FOXJ3: variants seen among roughly 807,000 people sequenced by gnomAD.
FOXJ3 encodes forkhead box J3, also known as forkhead box protein J3.
In FOXJ3, 22 loss-of-function variants were observed where a neutral mutation model predicts 76.1. That is an observed-to-expected ratio of 0.29 (90% CI 0.21 to 0.41). The LOEUF is 0.41. Among genes scored for constraint, FOXJ3 ranks in the 10% least tolerant of loss-of-function variants. The pLI, the probability that FOXJ3 is intolerant of heterozygous loss-of-function variation, is 1.00. For missense variants in FOXJ3, 613 were observed against 762.1 expected (o/e 0.80, Z 2.30); for synonymous variants, 269 against 261.2 (o/e 1.03, Z -0.29).
At chr1:42,326,100 A>T (rs1421562153) in intron 1 of FOXJ3, among the ~76,000 whole-genome samples, 6 of 152,034 alleles carry the variant, frequency 3.9e-5, no homozygotes, top group Non-Finnish European at 7.4e-5. Flanking sequence ...AAAATACAAA[A>T]ATTAGCCAGG....
intron 12 of FOXJ3, among the ~76,000 whole-genome samples, chr1:42,180,026 G>A (rs995233210): frequency 1.3e-5 from 2 of 152,136 alleles, no homozygotes; most frequent in Admixed American, 1.3e-4. Flanking sequence ...ATTACCCAAA[G>A]TCACACAACC....
intron 4 of FOXJ3, among the ~76,000 whole-genome samples, chr1:42,242,002 A>C (rs930764132): frequency 1.3e-5 from 2 of 152,092 alleles, no homozygotes; most frequent in Non-Finnish European, 2.9e-5. Flanking sequence ...CACAAAAATC[A>C]CTGATGCCAT....
upstream of FOXJ3, chr1:42,335,526 A>C (rs1656446498): frequency 6.6e-6 from 1 of 152,152 alleles, no homozygotes; most frequent in African/African-American, 2.4e-5. Context: ...GACAGTAGGG[A>C]TCGGTGGCTT....
chr1:42,203,123 T>C (rs138479885), intron 6 of FOXJ3, among the ~76,000 whole-genome samples: 67 of 152,362 alleles, frequency 4.4e-4, no homozygotes, highest in African/African-American at 1.6e-3. Context: ...GTGTCTGATC[T>C]GCTATTAAAT....
chr1:42,325,032 T>G (rs1398066931), intron 1 of FOXJ3, among the ~76,000 whole-genome samples: 2 of 152,226 alleles, frequency 1.3e-5, no homozygotes, highest in Non-Finnish European at 2.9e-5. Flanking sequence ...TGCCCCACAG[T>G]TGACCAAAAT....
intron 3 of FOXJ3, among the ~76,000 whole-genome samples, chr1:42,266,418 G>A (rs1164578053): frequency 6.6e-6 from 1 of 152,062 alleles, no homozygotes; most frequent in African/African-American, 2.4e-5. Flanking sequence ...CAGGTTGCAA[G>A]GCAACCAAAC....
rs951499637 is a variant in FOXJ3, at chr1:42,278,513, C to T, written c.204G>A (p.Gln68=). ...CATCTTTGTGCTGTTGGACTTCTTC[C>T]TGGTCCAGAGTTGTATTTGGGTCAA... ...ALLDPNTTLD[Q]EEVQQHKDGK... Residue 68 remains glutamine (Q), a synonymous_variant, in exon 3 of 13, where the codon CAG becomes CAA. Coordinates refer to ENST00000361346, the MANE Select transcript of FOXJ3 (RefSeq NM_014947.5). 6.2e-7 allele frequency: 1 copy of T among 1,614,098 alleles called. No homozygotes were observed. The highest frequency in any genetic ancestry group is 1.7e-5 in the Admixed American group (1 of 60,018).
At chr1:42,267,341 C>T (rs1452626651) in intron 3 of FOXJ3, among the ~76,000 whole-genome samples, 1 of 152,074 alleles carries the variant, frequency 6.6e-6, no homozygotes, top group African/African-American at 2.4e-5. Context: ...AATCCTACCG[C>T]ACCCTCTCCA....
At chr1:42,326,451 A>T (rs1210959050) in intron 1 of FOXJ3, among the ~76,000 whole-genome samples, 3 of 152,078 alleles carry the variant, frequency 2.0e-5, no homozygotes, top group African/African-American at 4.8e-5. Flanking sequence ...TGCAGATATA[A>T]CTTCTCTATA....
chr1:42,264,903 A>G (rs949461987), intron 4 of FOXJ3: 3 of 480,070 alleles, frequency 6.2e-6, no homozygotes, highest in East Asian at 7.8e-5. Context: ...ATTAGATTAG[A>G]AACAGCAAAG....
intron 2 of FOXJ3, among the ~76,000 whole-genome samples, chr1:42,282,468 C>T (rs1193755404): frequency 6.6e-6 from 1 of 152,116 alleles, no homozygotes; most frequent in Non-Finnish European, 1.5e-5. Flanking sequence ...TCTCTAAATT[C>T]CTAGAGCAAT....
chr1:42,246,489 T>TA (rs1339698751), intron 4 of FOXJ3, among the ~76,000 whole-genome samples: 2 of 152,134 alleles, frequency 1.3e-5, no homozygotes, highest in Non-Finnish European at 2.9e-5. Flanking sequence ...GATATCCTCT[T>TA]ACAGCAGTTA....
chr1:42,334,803 G>C lies in FOXJ3; in HGVS notation c.-18+256C>G, dbSNP rs1656375335. The C allele has an allele frequency of 2.0e-5, 3 of 152,202 alleles. No homozygotes were observed. The South Asian group carries it at 6.2e-4, about 31-fold the overall frequency. 9.4% of individuals were successfully genotyped at this position (152,202 alleles called of 1,614,324 possible). A position where few individuals can be genotyped will look rare whatever the true frequency, so the allele number is the denominator to read the frequency against. On this transcript the variant is annotated intron_variant, in intron 1 of 12. Transcript: ENST00000361346. Reference sequence around the variant, plus strand: ...GGGGAGGGGCGGGAGACGCGAAGCCGCTGCTTCCCAGCTGAGGGGCAGCAG... The same window carrying C: ...GGGGAGGGGCGGGAGACGCGAAGCCCCTGCTTCCCAGCTGAGGGGCAGCAG...
intron 4 of FOXJ3, among the ~76,000 whole-genome samples, chr1:42,245,329 T>C (rs959876328): frequency 6.6e-6 from 1 of 152,138 alleles, no homozygotes; most frequent in African/African-American, 2.4e-5. Context: ...CTATGAGGCC[T>C]GCATTACCCT....
At chr1:42,288,885 T>C (rs1653235303) in intron 2 of FOXJ3, among the ~76,000 whole-genome samples, 1 of 152,178 alleles carries the variant, frequency 6.6e-6, no homozygotes, top group African/African-American at 2.4e-5. Context: ...TTTTGGAACA[T>C]ACAGTTACTT....
At chr1:42,213,800 T>C (rs1647014061) in intron 5 of FOXJ3, among the ~76,000 whole-genome samples, 1 of 152,098 alleles carries the variant, frequency 6.6e-6, no homozygotes, top group African/African-American at 2.4e-5. Flanking sequence ...TTACCAGAAG[T>C]GGGAACAGGC....
At chr1:42,188,669 T>A (rs1646483993) in intron 11 of FOXJ3, 68 bp downstream of exon 11, 5 of 1,099,738 alleles carry the variant, frequency 4.5e-6, no homozygotes, top group Non-Finnish European at 5.1e-6. Flanking sequence ...CCAAGTTGGT[T>A]AAGACAGTTA....
chr1:42,213,465 A>T (rs990788660), intron 5 of FOXJ3, among the ~76,000 whole-genome samples: 1 of 151,766 alleles, frequency 6.6e-6, no homozygotes, highest in Admixed American at 6.6e-5. Flanking sequence ...GTAAAACAAC[A>T]ACAGTTAAAA....
In FOXJ3 at chr1:42,188,730, C is replaced by T. The variant is rs761180457; in HGVS notation, c.1645+7G>A. 5 of 1,553,090 alleles carry T rather than the reference C, an allele frequency of 3.2e-6. No homozygotes were observed. The South Asian group carries it at 6.1e-5, about 19-fold the overall frequency. On this transcript the variant is annotated splice_region_variant and intron_variant, in intron 11 of 12. Transcript: ENST00000361346. The stretch of plus-strand genomic sequence containing the variant: ...GAGAAAAATCAAGAAGATAACTAAC[C>T]CCATACCTGTTCCAATGTGTTGGGA...
Sources: gnomAD v4.1 joint callset for allele counts (sites outside exome capture counted in the v4.1 genomes callset) on GRCh38, gnomAD v4.1.1 for gene constraint, MANE v1.5 for transcripts, NCBI Gene and HGNC (gene_info 2026-07-23, HGNC 2026-07-21) for gene names.